Variants in AUH observed in about 807,000 individuals in gnomAD.
AUH encodes the protein methylglutaconyl-CoA hydratase, mitochondrial.
A neutral mutation model predicts 42.3 loss-of-function variants in AUH; 29 were observed. The ratio of observed to expected loss-of-function variants is 0.69; its 90% CI spans 0.51 to 0.93. The LOEUF (loss-of-function observed/expected upper bound fraction) is 0.93, where lower values mean the gene tolerates loss of function less well. Among genes scored for constraint, AUH ranks in the 40% least tolerant of loss-of-function variants. The pLI is 0.00. For synonymous variants in AUH, 174 were observed against 166.4 expected, an observed-to-expected ratio of 1.05 and a Z score of -0.35; for missense variants, 452 against 438.1, an observed-to-expected ratio of 1.03 and a Z score of -0.28.
chr9:91,355,789 G>T (rs909787840), intron 3 of AUH, 94 bp downstream of exon 3: 3 of 1,116,190 alleles, frequency 2.7e-6, no homozygotes, highest in East Asian at 2.4e-5. Context: ...TTGGTAATGG[G>T]GTTCAAACCA....
At chr9:91,254,682 A>G (rs2131404774) in intron 6 of AUH, among the ~76,000 whole-genome samples, 1 of 152,372 alleles carries the variant, frequency 6.6e-6, no homozygotes, top group East Asian at 1.9e-4. Flanking sequence ...TTAATAAAAC[A>G]TGTCAAGAAC....
chr9:91,278,017 G>T (rs953857230), intron 6 of AUH, among the ~76,000 whole-genome samples: 1 of 152,174 alleles, frequency 6.6e-6, no homozygotes, highest in African/African-American at 2.4e-5. Context: ...CACTGGAGGA[G>T]GCATCGTAGA....
chr9:91,339,328 T>C (rs1830930314), intron 3 of AUH, among the ~76,000 whole-genome samples: 1 of 152,234 alleles, frequency 6.6e-6, no homozygotes, highest in Non-Finnish European at 1.5e-5. Flanking sequence ...TGAGGGACTG[T>C]ACTGTCAATA....
At chr9:91,270,902 C>T (rs560614233) in intron 6 of AUH, among the ~76,000 whole-genome samples, 43 of 151,982 alleles carry the variant, frequency 2.8e-4, no homozygotes, top group Admixed American at 5.2e-4. Context: ...GTTGCTACTG[C>T]CCAATTAAAA....
rs536967082 is a variant in AUH at position 91,348,523 on chromosome 9, G to A, written c.418+7360C>T. Reference sequence around the variant, plus strand: ...CCATCACCTAATGAATAAACAAACCGTGAAACAGTCATACAATAAATACTA... The same window carrying A: ...CCATCACCTAATGAATAAACAAACCATGAAACAGTCATACAATAAATACTA... On this transcript the variant is annotated intron_variant, in intron 3 of 9. Transcript: ENST00000375731. Among the ~76,000 whole-genome samples the A allele has an allele frequency of 1.3e-4, 20 of 152,196 alleles. No homozygotes were observed. In the South Asian group the frequency reaches 3.5e-3, roughly 27 times the overall value.
chr9:91,227,872 T>C (rs994551379), intron 6 of AUH, among the ~76,000 whole-genome samples: 2 of 151,692 alleles, frequency 1.3e-5, no homozygotes, highest in Admixed American at 6.6e-5. Context: ...TTTGCGTATA[T>C]TGAACCAGCC....
chr9:91,318,553 G>T (rs1213546390), intron 4 of AUH, among the ~76,000 whole-genome samples: 1 of 152,110 alleles, frequency 6.6e-6, no homozygotes, highest in Non-Finnish European at 1.5e-5. Flanking sequence ...GAAGCTTCAG[G>T]GGCCAAATCC....
chr9:91,345,397 T>G (rs921289994), intron 3 of AUH, among the ~76,000 whole-genome samples: 14 of 152,106 alleles, frequency 9.2e-5, no homozygotes, highest in African/African-American at 3.4e-4. Flanking sequence ...AGCAATATAC[T>G]AGTAATAAAA....
At chr9:91,231,425 C>T (rs577727348) in intron 6 of AUH, among the ~76,000 whole-genome samples, 3 of 152,206 alleles carry the variant, frequency 2.0e-5, no homozygotes, top group Non-Finnish European at 4.4e-5. Context: ...ACACACGGTG[C>T]GCGCACCCAC....
intron 6 of AUH, among the ~76,000 whole-genome samples, chr9:91,269,968 G>T (rs1331875559): frequency 6.6e-6 from 1 of 152,204 alleles, no homozygotes; most frequent in Non-Finnish European, 1.5e-5. Context: ...CAGAGCTAGT[G>T]TAAGAACTGT....
intron 6 of AUH, among the ~76,000 whole-genome samples, chr9:91,293,646 G>T (rs528707420): frequency 6.6e-6 from 1 of 152,344 alleles, no homozygotes; most frequent in South Asian, 2.1e-4. Flanking sequence ...GTTAAGGAAA[G>T]AAGCCATCTA....
chr9:91,307,900 A>G (rs570425870), intron 4 of AUH, among the ~76,000 whole-genome samples: 3 of 152,308 alleles, frequency 2.0e-5, no homozygotes, highest in African/African-American at 7.2e-5. Flanking sequence ...GGAGAAGAGA[A>G]AGGTGGGAAG....
At chr9:91,359,598 A>C (rs1832696239) in intron 1 of AUH, among the ~76,000 whole-genome samples, 1 of 152,126 alleles carries the variant, frequency 6.6e-6, no homozygotes, top group Admixed American at 6.5e-5. Context: ...AAGAAAAGGA[A>C]ATTTGGTTAT....
chr9:91,326,398 C>T (rs1829967694), intron 3 of AUH, among the ~76,000 whole-genome samples: 1 of 151,956 alleles, frequency 6.6e-6, no homozygotes, highest in South Asian at 2.1e-4. Flanking sequence ...CAATAAAATT[C>T]AAGGGAGCAT....
chr9:91,218,879 G>T (rs972255354), intron 7 of AUH: 1 of 985,296 alleles, frequency 1.0e-6, no homozygotes, highest in Admixed American at 6.1e-5. Context: ...GGTGACTCGT[G>T]CATGTAATTT....
At chr9:91,268,530 A>G (rs1460576780) in intron 6 of AUH, among the ~76,000 whole-genome samples, 1 of 152,052 alleles carries the variant, frequency 6.6e-6, no homozygotes, top group Non-Finnish European at 1.5e-5. Context: ...TTCCAGGTTC[A>G]AGCGATTCTC....
chr9:91,216,899 T>C (rs1300281854), intron 8 of AUH, among the ~76,000 whole-genome samples: 1 of 152,232 alleles, frequency 6.6e-6, no homozygotes, highest in African/African-American at 2.4e-5. Context: ...TGGAAAGAGC[T>C]AGCTGTTCTT....
At chr9:91,254,919 C>CT (rs966117049) in intron 6 of AUH, among the ~76,000 whole-genome samples, 25 of 152,070 alleles carry the variant, frequency 1.6e-4, no homozygotes, top group African/African-American at 6.0e-4. Flanking sequence ...TGACATAAAA[C>CT]TAAGAGACAA....
At chr9:91,287,955 G>T (rs1168885549) in intron 6 of AUH, among the ~76,000 whole-genome samples, 2 of 152,036 alleles carry the variant, frequency 1.3e-5, no homozygotes, top group Non-Finnish European at 2.9e-5. Context: ...AATGGAAGGA[G>T]AAAGAAAATG....
Sources: allele counts gnomAD v4.1 joint callset (sites outside exome capture counted in the v4.1 genomes callset), GRCh38; gene constraint gnomAD v4.1.1; transcripts MANE v1.5; gene names NCBI Gene and HGNC (gene_info 2026-07-23, HGNC 2026-07-21).